Variants in ZNF487 observed in about 807,000 individuals in gnomAD.
ZNF487 encodes zinc finger protein 487.
In ZNF487, 4 loss-of-function variants were observed where a neutral mutation model predicts 3.0. That is an observed-to-expected ratio of 1.35 (90% CI 0.66 to 3.08). The LOEUF (loss-of-function observed/expected upper bound fraction) is 3.08, where lower values mean the gene tolerates loss of function less well. Among genes scored for constraint, ZNF487 ranks in the 30% most tolerant of loss-of-function variants. ZNF487 has a pLI of 0.01. For synonymous variants in ZNF487, 55 were observed against 34.6 expected, an observed-to-expected ratio of 1.59 and a Z score of -2.06; for missense variants, 146 against 98.7, an observed-to-expected ratio of 1.48 and a Z score of -2.03.
intron 1 of ZNF487, among the ~76,000 whole-genome samples, chr10:43,438,427 C>T (rs765984151): frequency 5.3e-5 from 8 of 152,084 alleles, no homozygotes; most frequent in Non-Finnish European, 1.0e-4. Context: ...CTCAGGTGAT[C>T]CACCTGCCTC....
chr10:43,511,766 C>G, the ZNF487 span, among the ~76,000 whole-genome samples: 29 of 152,170 alleles, frequency 1.9e-4, no homozygotes, highest in Non-Finnish European at 3.2e-4. Flanking sequence ...AGGCTGAGTG[C>G]TGTCCACGGA....
intron 1 of ZNF487, among the ~76,000 whole-genome samples, chr10:43,455,197 G>A (rs1052382301): frequency 2.6e-5 from 4 of 151,920 alleles, no homozygotes; most frequent in African/African-American, 9.7e-5. Context: ...TTTTTTAGTA[G>A]AGACGGGGTT....
At chr10:43,516,468 T>C in the ZNF487 span, among the ~76,000 whole-genome samples, 1 of 152,176 alleles carries the variant, frequency 6.6e-6, no homozygotes, top group African/African-American at 2.4e-5. Context: ...TAATGGAATA[T>C]GTGTATTTGT....
chr10:43,499,017 A>G, the ZNF487 span, among the ~76,000 whole-genome samples: 6 of 152,200 alleles, frequency 3.9e-5, no homozygotes, highest in African/African-American at 1.4e-4. Context: ...GCGTGTAAAA[A>G]GGACAAACAC....
intron 1 of ZNF487, among the ~76,000 whole-genome samples, chr10:43,442,339 T>C (rs2265886): frequency 0.65 from 98,852 of 152,062 alleles, 33,975 homozygotes; most frequent in Non-Finnish European, 0.76. Flanking sequence ...TATATTGTTT[T>C]GGAATTTTGG....
intron 1 of ZNF487, among the ~76,000 whole-genome samples, chr10:43,474,780 A>G (rs535827594): frequency 1.3e-5 from 2 of 152,042 alleles, no homozygotes; most frequent in East Asian, 2.0e-4. Context: ...ACAGGGTTTC[A>G]CCACATTGGC....
chr10:43,484,021 A>G (rs1841447586), downstream of ZNF487, among the ~76,000 whole-genome samples: 1 of 151,804 alleles, frequency 6.6e-6, no homozygotes. Flanking sequence ...GGTGTGTGCC[A>G]CCAGGCCCAG....
At chr10:43,485,945 C>G (rs192433133), downstream of ZNF487, among the ~76,000 whole-genome samples, 113 of 150,234 alleles carry the variant, frequency 7.5e-4, 1 homozygote, top group African/African-American at 2.8e-3. Flanking sequence ...CAGTTACACT[C>G]TCTGGCATTT....
chr10:43,444,205 C>A (rs556346334), intron 1 of ZNF487, among the ~76,000 whole-genome samples: 2 of 152,078 alleles, frequency 1.3e-5, no homozygotes, highest in African/African-American at 4.8e-5. Flanking sequence ...GGCTAGAAAG[C>A]GACAGATTTT....
At chr10:43,511,201 G>A in the ZNF487 span, among the ~76,000 whole-genome samples, 1 of 152,186 alleles carries the variant, frequency 6.6e-6, no homozygotes, top group Non-Finnish European at 1.5e-5. Flanking sequence ...TTGTCACCTA[G>A]TTGGTGTTAT....
At chr10:43,437,932 T>C (rs1490738606) in intron 1 of ZNF487, among the ~76,000 whole-genome samples, 2 of 152,004 alleles carry the variant, frequency 1.3e-5, no homozygotes, top group Non-Finnish European at 2.9e-5. Flanking sequence ...CTCAAGTGAT[T>C]CTCCTGCTTT....
the ZNF487 span, among the ~76,000 whole-genome samples, chr10:43,493,709 A>AAAATATATATATAT: frequency 2.3e-5 from 1 of 43,718 alleles, no homozygotes; most frequent in African/African-American, 8.7e-5. Flanking sequence ...AAAAAAAAAA[A>AAAATATATATATAT]ATATATATAT....
chr10:43,489,678 G>T, the ZNF487 span, among the ~76,000 whole-genome samples: 4 of 152,104 alleles, frequency 2.6e-5, no homozygotes, highest in Non-Finnish European at 5.9e-5. Context: ...AAACATGTTA[G>T]CCAATAACAA....
intron 1 of ZNF487, among the ~76,000 whole-genome samples, chr10:43,466,007 G>A (rs1230313794): frequency 6.6e-6 from 1 of 152,202 alleles, no homozygotes; most frequent in Non-Finnish European, 1.5e-5. Flanking sequence ...CCAACCCAGC[G>A]AAACCCCGTC....
chr10:43,499,727 G>A, the ZNF487 span, among the ~76,000 whole-genome samples: 1 of 151,702 alleles, frequency 6.6e-6, no homozygotes, highest in Non-Finnish European at 1.5e-5. Flanking sequence ...CTCCAACTTG[G>A]GTGATGGAGT....
In ZNF487 at chr10:43,451,485, T is replaced by C. The variant is rs1275194299; in HGVS notation, c.-94+14223T>C. Among the ~76,000 whole-genome samples, 5 of 151,236 alleles carry C rather than the reference T, an allele frequency of 3.3e-5. 1 individual carries two copies. Among genetic ancestry groups the C allele is most frequent in the South Asian group, 2.1e-4 (1 of 4,790 alleles). Reference sequence around the variant, plus strand: ...GTCTCGAAGTCCTGATCTCAGGTGATCCACCCGCCTTGGCCTCCCAAAGTG... The same window carrying C: ...GTCTCGAAGTCCTGATCTCAGGTGACCCACCCGCCTTGGCCTCCCAAAGTG... On this transcript the variant is annotated intron_variant, in intron 1 of 3. Transcript: ENST00000437590.
the ZNF487 span, among the ~76,000 whole-genome samples, chr10:43,492,796 A>G: frequency 3.9e-5 from 6 of 152,194 alleles, no homozygotes; most frequent in Non-Finnish European, 8.8e-5. Flanking sequence ...TATAGATAGT[A>G]AAGTGTTTAG....
At chr10:43,439,522 G>T (rs1839504405) in intron 1 of ZNF487, among the ~76,000 whole-genome samples, 1 of 152,072 alleles carries the variant, frequency 6.6e-6, no homozygotes, top group African/African-American at 2.4e-5. Context: ...GGCCAACATG[G>T]TGAAACCCTG....
At chr10:43,479,625 C>CT (rs539440328) in intron 3 of ZNF487, among the ~76,000 whole-genome samples, 21 of 151,878 alleles carry the variant, frequency 1.4e-4, no homozygotes, top group Middle Eastern at 3.4e-3. Flanking sequence ...TAGTTTCTTT[C>CT]TTTTTTTTGT....
Sources: allele counts gnomAD v4.1 joint callset (sites outside exome capture counted in the v4.1 genomes callset), GRCh38; gene constraint gnomAD v4.1.1; transcripts MANE v1.5; gene names NCBI Gene and HGNC (gene_info 2026-07-23, HGNC 2026-07-21).